The following NTNG1 variants were observed in gnomAD, a reference collection of about 807,000 sequenced individuals.
The protein encoded by NTNG1 is netrin G1, also known as netrin-G1.
A neutral mutation model predicts 54.0 loss-of-function variants in NTNG1; 16 were observed. The ratio of observed to expected loss-of-function variants is 0.30; its 90% CI spans 0.20 to 0.45. The LOEUF is 0.45. Ranked by LOEUF, NTNG1 falls within the 20% of genes least tolerant of loss-of-function variation. The pLI, the probability that NTNG1 is intolerant of heterozygous loss-of-function variation, is 1.00. For missense variants in NTNG1, 530 were observed against 678.7 expected (o/e 0.78, Z 2.43); for synonymous variants, 255 against 263.1 (o/e 0.97, Z 0.30).
Position 107,386,489 on chromosome 1 carries a change from C to T in NTNG1, c.888-8665C>T, listed in dbSNP as rs533958597. On this transcript the variant is annotated intron_variant, in intron 3 of 7. Transcript: ENST00000370068. ...ACTCCTGGCAGGAAATCAGATATTA[C>T]GTGGCCTTTTGTGTCTGACATTTTT... Among the ~76,000 whole-genome samples the T allele has an allele frequency of 9.2e-5, 14 of 152,046 alleles. 1 individual carries two copies. The highest frequency in any genetic ancestry group is 3.9e-4 in the Admixed American group (6 of 15,264).
intron 2 of NTNG1, among the ~76,000 whole-genome samples, chr1:107,184,888 G>A (rs1242202302): frequency 6.6e-6 from 1 of 152,106 alleles, no homozygotes; most frequent in African/African-American, 2.4e-5. Context: ...GTAAAATAAG[G>A]ATGGCTTGTC....
In NTNG1 at chr1:107,183,381, C is replaced by T. The variant is rs571398566; in HGVS notation, c.246+34542C>T. On this transcript the variant is annotated intron_variant, in intron 2 of 7. Coordinates refer to ENST00000370068, the MANE Select transcript of NTNG1 (RefSeq NM_001113226.3). ...AGTCCAGGATTTGATTTTCGGGAAG[C>T]GATCAGTTAGATAAACCTCAAATTG... Among the ~76,000 whole-genome samples, 123 of 152,206 alleles carry T rather than the reference C, an allele frequency of 8.1e-4. 1 individual carries two copies. Among genetic ancestry groups the T allele is most frequent in the Admixed American group, 1.6e-3 (24 of 15,276 alleles).
At chr1:107,416,603 G>A (rs761376621) in intron 5 of NTNG1, among the ~76,000 whole-genome samples, 6 of 151,832 alleles carry the variant, frequency 4.0e-5, no homozygotes, top group Non-Finnish European at 7.4e-5. Context: ...CTAAAATACA[G>A]GCACAGACAA....
At chr1:107,419,016 C>G (rs1674403510) in intron 5 of NTNG1, among the ~76,000 whole-genome samples, 1 of 152,004 alleles carries the variant, frequency 6.6e-6, no homozygotes, top group Non-Finnish European at 1.5e-5. Flanking sequence ...CAACTGGTAC[C>G]TCAGTTGTAC....
intron 2 of NTNG1, among the ~76,000 whole-genome samples, chr1:107,191,981 T>G (rs1462190763): frequency 6.6e-6 from 1 of 152,152 alleles, no homozygotes; most frequent in Non-Finnish European, 1.5e-5. Context: ...ATTGGTAGCT[T>G]GATGGGGATG....
chr1:107,192,184 T>C (rs1658005496), intron 2 of NTNG1, among the ~76,000 whole-genome samples: 1 of 152,140 alleles, frequency 6.6e-6, no homozygotes, highest in Non-Finnish European at 1.5e-5. Flanking sequence ...TAATTCTCTT[T>C]GAAGCAATTG....
At chr1:107,196,025 C>T (rs986336482) in intron 2 of NTNG1, among the ~76,000 whole-genome samples, 3 of 151,964 alleles carry the variant, frequency 2.0e-5, no homozygotes, top group Admixed American at 6.6e-5. Flanking sequence ...AATTTTTGTA[C>T]TATTTGCTTT....
chr1:107,439,819 C>T (rs934864114), intron 7 of NTNG1, among the ~76,000 whole-genome samples: 2 of 151,958 alleles, frequency 1.3e-5, no homozygotes, highest in African/African-American at 4.8e-5. Flanking sequence ...GCACCTGCTC[C>T]AGGATTATAG....
At chr1:107,387,218 C>T (rs570645672) in intron 3 of NTNG1, among the ~76,000 whole-genome samples, 13 of 152,206 alleles carry the variant, frequency 8.5e-5, no homozygotes, top group African/African-American at 3.1e-4. Context: ...ATGAATGCAC[C>T]AATTAGTAGA....
intron 2 of NTNG1, among the ~76,000 whole-genome samples, chr1:107,232,497 A>G (rs1365899383): frequency 6.6e-6 from 1 of 152,192 alleles, no homozygotes. Flanking sequence ...CAATTTAAAT[A>G]GAGCAGTTCC....
At chr1:107,205,714 A>T (rs867272931) in intron 2 of NTNG1, among the ~76,000 whole-genome samples, 4 of 152,166 alleles carry the variant, frequency 2.6e-5, no homozygotes, top group African/African-American at 9.7e-5. Context: ...ACAAACTGAA[A>T]GTCACCAGTA....
intron 3 of NTNG1, among the ~76,000 whole-genome samples, chr1:107,394,048 C>A (rs938593077): frequency 1.3e-5 from 2 of 152,102 alleles, no homozygotes; most frequent in Non-Finnish European, 2.9e-5. Flanking sequence ...CACACACACA[C>A]ACACTGTCAA....
At chr1:107,451,678 A>G (rs1306613642) in intron 7 of NTNG1, among the ~76,000 whole-genome samples, 3 of 152,290 alleles carry the variant, frequency 2.0e-5, no homozygotes, top group African/African-American at 7.2e-5. Context: ...AAACAGTGTA[A>G]GAATACCACT....
At chr1:107,415,653 A>G (rs547751163) in intron 5 of NTNG1, among the ~76,000 whole-genome samples, 1 of 152,026 alleles carries the variant, frequency 6.6e-6, no homozygotes, top group Non-Finnish European at 1.5e-5. Flanking sequence ...GATTTTCCCT[A>G]GTTGATTTGT....
chr1:107,449,950 T>C (rs1378445645), intron 7 of NTNG1, among the ~76,000 whole-genome samples: 1 of 152,114 alleles, frequency 6.6e-6, no homozygotes, highest in East Asian at 1.9e-4. Context: ...CCTCATTGCA[T>C]ACTTGTCTTG....
intron 1 of NTNG1, among the ~76,000 whole-genome samples, chr1:107,145,026 A>G (rs1443932789): frequency 6.6e-6 from 1 of 152,034 alleles, no homozygotes; most frequent in Non-Finnish European, 1.5e-5. Flanking sequence ...CTTCACAATT[A>G]GTTCAGTTAT....
intron 2 of NTNG1, among the ~76,000 whole-genome samples, chr1:107,210,186 G>A (rs551367249): frequency 7.2e-5 from 11 of 152,148 alleles, no homozygotes; most frequent in African/African-American, 2.7e-4. Flanking sequence ...GAGGAGTTTG[G>A]GGTTTTACCC....
intron 3 of NTNG1, among the ~76,000 whole-genome samples, chr1:107,341,555 C>A (rs1348498909): frequency 6.6e-6 from 1 of 152,074 alleles, no homozygotes; most frequent in Non-Finnish European, 1.5e-5. Context: ...CATTTATCCT[C>A]ACCGATGATG....
At chr1:107,349,634 T>G (rs183937467) in intron 3 of NTNG1, among the ~76,000 whole-genome samples, 89 of 152,312 alleles carry the variant, frequency 5.8e-4, no homozygotes, top group Non-Finnish European at 9.7e-4. Context: ...TTTTTCTCAT[T>G]CTTTTGCTTT....
Sources: gnomAD v4.1 joint callset for allele counts (sites outside exome capture counted in the v4.1 genomes callset) on GRCh38, gnomAD v4.1.1 for gene constraint, MANE v1.5 for transcripts, NCBI Gene and HGNC (gene_info 2026-07-23, HGNC 2026-07-21) for gene names.